CDKN2B-AS1: variants seen among roughly 807,000 people sequenced by gnomAD.
The protein encoded by CDKN2B-AS1 is CDKN2B and CDKN2A antisense cis and trans regulatory RNA 1.
intron 4 of CDKN2B-AS1, among the ~76,000 whole-genome samples, chr9:22,057,623 A>G (rs2131292820): frequency 6.6e-6 from 1 of 152,214 alleles, no homozygotes; most frequent in Non-Finnish European, 1.5e-5. Flanking sequence ...AGCTTGGGCA[A>G]CATGGTGTAA....
intron 1 of CDKN2B-AS1, chr9:22,004,521 C>T (rs2131175594): frequency 4.3e-6 from 1 of 232,542 alleles, no homozygotes; most frequent in Non-Finnish European, 8.5e-6. Context: ...TAGTGGTAAA[C>T]CCATGAACAT....
intron 4 of CDKN2B-AS1, among the ~76,000 whole-genome samples, chr9:22,103,171 GTGTGTGT>G (rs1401071080): frequency 6.7e-6 from 1 of 150,316 alleles, no homozygotes; most frequent in African/African-American, 2.5e-5. Flanking sequence ...GTGTGTGTGT[GTGTGTGT>G]GGTGCGTGAA....
At chr9:21,994,808 G>T, upstream of CDKN2B-AS1, 1 of 174,068 alleles carries the variant, frequency 5.7e-6, no homozygotes, top group Non-Finnish European at 1.2e-5. Context: ...TCCGTCACCT[G>T]ACACGGCCCT....
intron 4 of CDKN2B-AS1, among the ~76,000 whole-genome samples, chr9:22,072,762 C>A (rs927289665): frequency 6.6e-6 from 1 of 152,168 alleles, no homozygotes; most frequent in Non-Finnish European, 1.5e-5. Flanking sequence ...TGAAGATGCA[C>A]CACAGATTTA....
At chr9:22,020,628 C>A (rs549001586) in intron 1 of CDKN2B-AS1, among the ~76,000 whole-genome samples, 2 of 152,106 alleles carry the variant, frequency 1.3e-5, no homozygotes, top group Admixed American at 6.5e-5. Context: ...TTCTAATGAT[C>A]AGTGATGTTG....
exon 5 of CDKN2B-AS1, among the ~76,000 whole-genome samples, chr9:22,127,510 A>G (rs1818036448): frequency 6.6e-6 from 1 of 152,226 alleles, no homozygotes; most frequent in South Asian, 2.1e-4. Flanking sequence ...GTGAGCTTAC[A>G]AGAGCTTTAA....
intron 1 of CDKN2B-AS1, among the ~76,000 whole-genome samples, chr9:22,040,234 G>T (rs1822845778): frequency 6.6e-6 from 1 of 152,008 alleles, no homozygotes; most frequent in Non-Finnish European, 1.5e-5. Context: ...CTGTGATCAT[G>T]TATTATCTTG....
intron 4 of CDKN2B-AS1, chr9:22,066,110 T>G (rs1294992924): frequency 6.6e-6 from 1 of 152,204 alleles, no homozygotes; most frequent in Admixed American, 6.5e-5. Flanking sequence ...ATTATATCCA[T>G]TTGAATCACC....
At chr9:22,098,742 A>G (rs547263909) in intron 4 of CDKN2B-AS1, among the ~76,000 whole-genome samples, 3 of 152,292 alleles carry the variant, frequency 2.0e-5, no homozygotes, top group African/African-American at 7.2e-5. Context: ...CCAAACTAAG[A>G]TCAGAGAGTT....
At chr9:22,081,294 T>A (rs1297563183) in intron 4 of CDKN2B-AS1, among the ~76,000 whole-genome samples, 70 of 131,570 alleles carry the variant, frequency 5.3e-4, no homozygotes, top group African/African-American at 2.1e-3. Flanking sequence ...TTTTTTTTTT[T>A]ACATTATAAC....
chr9:22,116,322 A>T (rs1825949016), intron 4 of CDKN2B-AS1, among the ~76,000 whole-genome samples: 1 of 152,178 alleles, frequency 6.6e-6, no homozygotes, highest in African/African-American at 2.4e-5. Context: ...ACTAGTATTT[A>T]CTGAATGGTC....
chr9:22,119,832 A>G (rs774422052), intron 4 of CDKN2B-AS1: 4 of 152,218 alleles, frequency 2.6e-5, no homozygotes, highest in Non-Finnish European at 5.9e-5. Context: ...GGTACCATTT[A>G]TCTAGCAGAG....
chr9:22,016,172 T>C (rs1017538107), intron 1 of CDKN2B-AS1, among the ~76,000 whole-genome samples: 3 of 152,206 alleles, frequency 2.0e-5, no homozygotes, highest in African/African-American at 7.2e-5. Flanking sequence ...TCCTTGCCCA[T>C]GCCTATGTCC....
At chr9:22,054,943 G>A (rs1053069892) in intron 3 of CDKN2B-AS1, among the ~76,000 whole-genome samples, 1 of 151,676 alleles carries the variant, frequency 6.6e-6, no homozygotes, top group Non-Finnish European at 1.5e-5. Flanking sequence ...GTAGAGATGG[G>A]GTTTCACCAT....
chr9:22,073,991 G>C (rs1335201511), intron 4 of CDKN2B-AS1, among the ~76,000 whole-genome samples: 6 of 151,710 alleles, frequency 4.0e-5, no homozygotes, highest in South Asian at 2.1e-4. Flanking sequence ...AGCCTCCCTA[G>C]TAGTTTGGAC....
intron 4 of CDKN2B-AS1, among the ~76,000 whole-genome samples, chr9:22,108,777 A>G (rs1825726908): frequency 6.6e-6 from 1 of 152,184 alleles, no homozygotes; most frequent in African/African-American, 2.4e-5. Context: ...ATAACTGATG[A>G]GGTCATACTT....
intron 1 of CDKN2B-AS1, among the ~76,000 whole-genome samples, chr9:22,021,761 T>C (rs563171816): frequency 6.6e-6 from 1 of 152,264 alleles, no homozygotes; most frequent in South Asian, 2.1e-4. Flanking sequence ...ACTTCCTCTC[T>C]TCTTATTTGG....
intron 1 of CDKN2B-AS1, among the ~76,000 whole-genome samples, chr9:22,026,549 G>A (rs755658941): frequency 6.6e-6 from 1 of 152,222 alleles, no homozygotes; most frequent in Admixed American, 6.5e-5. Context: ...TGTTGCTACT[G>A]GTGGCTAGCT....
intron 4 of CDKN2B-AS1, among the ~76,000 whole-genome samples, chr9:22,080,127 G>A (rs920800329): frequency 3.9e-5 from 6 of 152,190 alleles, no homozygotes; most frequent in African/African-American, 1.2e-4. Context: ...CACCAAAGGC[G>A]TGAGCTGTTA....
Sources: allele counts gnomAD v4.1 joint callset (sites outside exome capture counted in the v4.1 genomes callset), GRCh38; gene constraint gnomAD v4.1.1; transcripts MANE v1.5; gene names NCBI Gene and HGNC (gene_info 2026-07-23, HGNC 2026-07-21).